The following EDAR variants were observed in gnomAD, a reference collection of about 807,000 sequenced individuals.
The protein encoded by EDAR is tumor necrosis factor receptor superfamily member EDAR.
Under a neutral mutation model 51.3 loss-of-function variants are expected in EDAR, and 38 were observed. The ratio of observed to expected loss-of-function variants is 0.74; its 90% CI spans 0.57 to 0.97. EDAR has a LOEUF of 0.97. Among genes scored for constraint, EDAR ranks in the 50% least tolerant of loss-of-function variants. The pLI, the probability that EDAR is intolerant of heterozygous loss-of-function variation, is 0.00. For synonymous variants in EDAR, 227 were observed against 242.1 expected (o/e 0.94, Z 0.58); for missense variants, 528 against 595.0 (o/e 0.89, Z 1.17).
At chr2:108,964,729 G>A (rs1173291355) in intron 1 of EDAR, among the ~76,000 whole-genome samples, 1 of 152,246 alleles carries the variant, frequency 6.6e-6, no homozygotes, top group South Asian at 2.1e-4. Flanking sequence ...TCTCCGTTAC[G>A]CCACACTCAG....
In EDAR at chr2:108,930,201, G is replaced by T. The variant is rs749688157; in HGVS notation, c.93C>A (p.Cys31Ter). 1 of 1,614,102 alleles carries T rather than the reference G, an allele frequency of 6.2e-7. No individual in the cohort carries two copies. Among genetic ancestry groups the T allele is most frequent in the Non-Finnish European group, 8.5e-7 (1 of 1,180,028 alleles). ...TCTGGTTGTAGTACTCGTTCTCACC[G>T]CAGTTTGAGTATTCCGCTCGGGCTG... Reference protein sequence around the residue: ...MCSARAEYSNCGENEYYNQTT... With the variant: ...MCSARAEYSN Residue 31 changes from cysteine to a stop codon, truncating the protein, a stop_gained, in exon 3 of 12, where the codon TGC becomes TGA. Coordinates refer to ENST00000258443, the MANE Select transcript of EDAR (RefSeq NM_022336.4). LOFTEE classifies it high-confidence loss of function.
Position 108,928,958 on chromosome 2 carries a change from T to C in EDAR, c.356+240A>G, listed in dbSNP as rs187634401. On this transcript the variant is annotated intron_variant, in intron 4 of 11. Transcript: ENST00000258443. ...TCCTTTTGGTGGTCAGAAGATATTA[T>C]GATGGTTAATGGCCACTTAGGAGAC... is the stretch of plus-strand genomic sequence containing the variant. 1.1e-4 allele frequency among the ~76,000 whole-genome samples: 17 copies of C among 152,322 alleles called. No individual in the cohort carries two copies. The East Asian group carries it at 2.9e-3, about 26-fold the overall frequency.
intron 2 of EDAR, among the ~76,000 whole-genome samples, chr2:108,930,510 T>C (rs1574386686): frequency 6.6e-6 from 1 of 152,252 alleles, no homozygotes; most frequent in East Asian, 1.9e-4. Context: ...CAAGGCCTGC[T>C]CTGAGTTCTC....
intron 9 of EDAR, among the ~76,000 whole-genome samples, chr2:108,909,966 T>C (rs1696886300): frequency 6.6e-6 from 1 of 152,208 alleles, no homozygotes; most frequent in Non-Finnish European, 1.5e-5. Flanking sequence ...TACAAGCACC[T>C]TGCTCCTGGG....
At chr2:108,937,194 C>T (rs765946747) in intron 1 of EDAR, among the ~76,000 whole-genome samples, 33 of 152,356 alleles carry the variant, frequency 2.2e-4, no homozygotes, top group Middle Eastern at 3.4e-3. Flanking sequence ...TTATAAGCAG[C>T]CACTCTTCTT....
At chr2:108,964,094 TTA>T (rs1405750187) in intron 1 of EDAR, among the ~76,000 whole-genome samples, 2 of 152,302 alleles carry the variant, frequency 1.3e-5, no homozygotes, top group African/African-American at 4.8e-5. Flanking sequence ...TCTACTTAAT[TTA>T]AATTTAAACA....
At chr2:108,960,877 C>G (rs752021461) in intron 1 of EDAR, among the ~76,000 whole-genome samples, 1 of 152,182 alleles carries the variant, frequency 6.6e-6, no homozygotes, top group Non-Finnish European at 1.5e-5. Context: ...ATATAGTATT[C>G]CACCATGTGG....
intron 1 of EDAR, among the ~76,000 whole-genome samples, chr2:108,972,301 G>A (rs1197512452): frequency 6.6e-6 from 1 of 152,228 alleles, no homozygotes; most frequent in Non-Finnish European, 1.5e-5. Flanking sequence ...TAGCCATGCC[G>A]GCCCAGTTCT....
intron 1 of EDAR, among the ~76,000 whole-genome samples, chr2:108,939,178 T>TTTG (rs151291948): frequency 6.6e-6 from 1 of 151,892 alleles, no homozygotes; most frequent in Non-Finnish European, 1.5e-5. Context: ...CATCCTTCCA[T>TTTG]TTGTTGTTGT....
At chr2:108,986,435 T>C (rs1355408214) in intron 1 of EDAR, among the ~76,000 whole-genome samples, 2 of 152,128 alleles carry the variant, frequency 1.3e-5, no homozygotes, top group Non-Finnish European at 2.9e-5. Flanking sequence ...GTGGCTGTCA[T>C]TGCACCATCT....
intron 5 of EDAR, among the ~76,000 whole-genome samples, chr2:108,921,637 C>T (rs70664): frequency 0.74 from 113,147 of 151,990 alleles, 44,130 homozygotes; most frequent in East Asian, 0.92. Flanking sequence ...TTTCTAGCTC[C>T]GACGTTTTTG....
At chr2:108,906,270 G>T (rs1696802373) in intron 11 of EDAR, 38 bp downstream of exon 11, 1 of 1,607,952 alleles carries the variant, frequency 6.2e-7, no homozygotes, top group African/African-American at 1.4e-5. Context: ...TGTCGGTGGG[G>T]TGGGCACCAC....
At chr2:108,906,191 G>A (rs1344413417) in intron 11 of EDAR, 117 bp downstream of exon 11, 13 of 1,045,156 alleles carry the variant, frequency 1.2e-5, no homozygotes, top group Middle Eastern at 2.6e-4. Flanking sequence ...ACCAAAGTGC[G>A]GCAACTGGAT....
chr2:108,919,121 C>T (rs1257022212), intron 5 of EDAR, among the ~76,000 whole-genome samples: 2 of 152,128 alleles, frequency 1.3e-5, no homozygotes, highest in Non-Finnish European at 1.5e-5. Flanking sequence ...AGCAACTGAG[C>T]GCCGGTGTCT....
intron 9 of EDAR, among the ~76,000 whole-genome samples, chr2:108,908,616 G>A (rs1696857921): frequency 6.6e-6 from 1 of 152,192 alleles, no homozygotes; most frequent in African/African-American, 2.4e-5. Flanking sequence ...GACCCACCAA[G>A]CCCAGGTTCA....
At chr2:108,938,964 G>C (rs980931581) in intron 1 of EDAR, among the ~76,000 whole-genome samples, 5 of 152,010 alleles carry the variant, frequency 3.3e-5, no homozygotes, top group African/African-American at 1.2e-4. Context: ...ATTTTTATTA[G>C]AGACGGGGTT....
chr2:108,964,014 G>A (rs1698102746), intron 1 of EDAR, among the ~76,000 whole-genome samples: 1 of 152,192 alleles, frequency 6.6e-6, no homozygotes, highest in Non-Finnish European at 1.5e-5. Flanking sequence ...CAGGACTATG[G>A]CCTCTGTGGC....
Position 108,897,207 on chromosome 2 carries a change from T to C in EDAR, c.1047A>G (p.Pro349=), listed in dbSNP as rs770460028. Residue 349 remains proline, a synonymous_variant, in exon 12 of 12, where the codon CCA becomes CCG. Coordinates refer to ENST00000258443, the MANE Select transcript of EDAR (RefSeq NM_022336.4). ...GGCTAGTCTTCTCGAGGCAATCAAA[T>C]GGCAGCTCCGTGGGGCTAAGACCTA... ...VVEGLSPTEL[P]FDCLEKTSRM... The C allele has an allele frequency of 1.9e-6, 3 of 1,613,616 alleles. No homozygotes were observed. Among genetic ancestry groups the C allele is most frequent in the South Asian group, 2.2e-5 (2 of 91,070 alleles).
At chr2:108,956,793 T>G (rs201021511) in intron 1 of EDAR, among the ~76,000 whole-genome samples, 1,557 of 151,838 alleles carry the variant, frequency 0.01, 25 homozygotes, top group African/African-American at 0.035. Flanking sequence ...TCTTTTTTTT[T>G]TTGTTTTTTT....
Sources: allele counts gnomAD v4.1 joint callset (sites outside exome capture counted in the v4.1 genomes callset), GRCh38; gene constraint gnomAD v4.1.1; transcripts MANE v1.5; gene names NCBI Gene and HGNC (gene_info 2026-07-23, HGNC 2026-07-21).